Variants in SHB observed in about 807,000 individuals in gnomAD.
SHB encodes the protein SH2 domain-containing adapter protein B.
A neutral mutation model predicts 52.3 loss-of-function variants in SHB; 20 were observed. The observed-to-expected ratio is 0.38, with a 90% CI of 0.27 to 0.56. The LOEUF (loss-of-function observed/expected upper bound fraction) is 0.56, where lower values mean the gene tolerates loss of function less well. Among genes scored for constraint, SHB ranks in the 20% least tolerant of loss-of-function variants. The pLI is 0.71. For missense variants in SHB, 825 were observed against 723.3 expected, an observed-to-expected ratio of 1.14 and a Z score of -1.61; for synonymous variants, 397 against 316.5, an observed-to-expected ratio of 1.25 and a Z score of -2.70.
Position 38,065,764 on chromosome 9 carries a change from G to A in SHB, c.717+2165C>T, listed in dbSNP as rs79422264. Among the ~76,000 whole-genome samples, 1,176 of 152,152 alleles carry A rather than the reference G, an allele frequency of 7.7e-3. 11 individuals carry two copies. The highest frequency in any genetic ancestry group is 0.026 in the African/African-American group (1,079 of 41,494). ...CTCTCGCAGCTAAATCCCTTCACAG[G>A]CCCCCTCTGTGCTTAGCCTACAAGG... On this transcript the variant is annotated intron_variant, in intron 1 of 5. Transcript: ENST00000377707.
chr9:37,956,928 GTTA>G (rs1364224370), intron 3 of SHB, among the ~76,000 whole-genome samples: 1 of 152,216 alleles, frequency 6.6e-6, no homozygotes, highest in African/African-American at 2.4e-5. Flanking sequence ...AGTCTGTGCT[GTTA>G]TTATAAATCA....
Position 38,032,704 on chromosome 9 carries a change from C to T in SHB, c.718-16573G>A, listed in dbSNP as rs566090302. On this transcript the variant is annotated intron_variant, in intron 1 of 5. Transcript: ENST00000377707. ...CCTCCACCCTGTACCAGCCGTATCC[C>T]TCCTGCCTGGGGGATCCTACTTCCC... 9.8e-5 allele frequency among the ~76,000 whole-genome samples: 15 copies of T among 152,328 alleles called. 1 individual carries two copies. The highest frequency in any genetic ancestry group is 3.6e-4 in the African/African-American group (15 of 41,578).
intron 1 of SHB, among the ~76,000 whole-genome samples, 198 bp from the exon 2 acceptor site, chr9:38,016,329 C>T (rs974275438): frequency 6.6e-6 from 1 of 152,194 alleles, no homozygotes; most frequent in Admixed American, 6.5e-5. Context: ...GGCTCCACTG[C>T]GATGAAGAGC....
chr9:38,009,921 T>C (rs1029330896), intron 2 of SHB, among the ~76,000 whole-genome samples: 1 of 152,262 alleles, frequency 6.6e-6, no homozygotes, highest in African/African-American at 2.4e-5. Flanking sequence ...TATTAAAAAT[T>C]ATGTGAAAAT....
chr9:38,054,705 G>T (rs1821792688), intron 1 of SHB, among the ~76,000 whole-genome samples: 1 of 152,206 alleles, frequency 6.6e-6, no homozygotes, highest in Non-Finnish European at 1.5e-5. Context: ...GAGAAGCAAG[G>T]TTAGACTGGT....
intron 2 of SHB, among the ~76,000 whole-genome samples, chr9:37,982,074 T>C (rs1468270971): frequency 6.6e-6 from 1 of 151,682 alleles, no homozygotes; most frequent in Non-Finnish European, 1.5e-5. Context: ...GAAGGAAGGT[T>C]GCCACAAACC....
In SHB at chr9:38,015,934, A is replaced by G. The variant is rs1821204039; in HGVS notation, c.838+77T>C. 8.8e-6 allele frequency: 13 copies of G among 1,479,610 alleles called. No individual in the cohort carries two copies. In the East Asian group the frequency reaches 2.9e-4, roughly 34 times the overall value. 91.7% of individuals were successfully genotyped at this position (1,479,610 alleles called of 1,614,324 possible). On this transcript the variant is annotated intron_variant, in intron 2 of 5. Coordinates refer to ENST00000377707, the MANE Select transcript of SHB (RefSeq NM_003028.3). The stretch of plus-strand genomic sequence containing the variant: ...ATGCCCCCAGTGAGGCTGGTTGGGG[A>G]CCACCCGGCAGTGCCCTCACTCCCT...
intron 2 of SHB, among the ~76,000 whole-genome samples, chr9:38,005,259 T>A (rs1356980336): frequency 6.6e-6 from 1 of 152,154 alleles, no homozygotes; most frequent in Non-Finnish European, 1.5e-5. Flanking sequence ...GGTGGCCAGG[T>A]ACAATTACAC....
chr9:37,939,025 T>A (rs2117862422), intron 5 of SHB, among the ~76,000 whole-genome samples: 1 of 152,228 alleles, frequency 6.6e-6, no homozygotes, highest in East Asian at 1.9e-4. Context: ...TCCTCACTCC[T>A]CCTCCCTCTC....
At chr9:37,937,742 G>C (rs987926309) in intron 5 of SHB, among the ~76,000 whole-genome samples, 1 of 152,228 alleles carries the variant, frequency 6.6e-6, no homozygotes, top group Non-Finnish European at 1.5e-5. Context: ...CTGCCTCAAG[G>C]ACTGACAATG....
intron 1 of SHB, among the ~76,000 whole-genome samples, chr9:38,017,212 T>A (rs574783610): frequency 6.6e-6 from 1 of 152,348 alleles, no homozygotes; most frequent in East Asian, 1.9e-4. Flanking sequence ...TTTGGTCACA[T>A]TTCTGGCAAA....
At chr9:38,023,077 T>C (rs562686383) in intron 1 of SHB, among the ~76,000 whole-genome samples, 40 of 152,218 alleles carry the variant, frequency 2.6e-4, no homozygotes, top group Non-Finnish European at 5.4e-4. Context: ...GCAGAACCCC[T>C]GCCATGGCGG....
At chr9:37,951,632 TCCA>T (rs1249817516) in intron 4 of SHB, among the ~76,000 whole-genome samples, 3 of 152,218 alleles carry the variant, frequency 2.0e-5, no homozygotes, top group Admixed American at 6.5e-5. Context: ...CTGCCTGCCA[TCCA>T]CCCTCCCTGA....
At chr9:38,032,281 A>G (rs1821425749) in intron 1 of SHB, among the ~76,000 whole-genome samples, 1 of 152,184 alleles carries the variant, frequency 6.6e-6, no homozygotes, top group African/African-American at 2.4e-5. Flanking sequence ...CGAAGCTCAG[A>G]AATGTCTAGG....
chr9:37,983,161 G>A (rs1001301585), intron 2 of SHB, among the ~76,000 whole-genome samples: 1 of 152,194 alleles, frequency 6.6e-6, no homozygotes, highest in African/African-American at 2.4e-5. Context: ...TCCTTAATGG[G>A]AGCAGACTTG....
intron 5 of SHB, among the ~76,000 whole-genome samples, chr9:37,946,193 C>T (rs1440266991): frequency 1.3e-5 from 2 of 152,254 alleles, no homozygotes; most frequent in African/African-American, 4.8e-5. Context: ...AGGCACGAGG[C>T]CCGTCCTCTA....
intron 5 of SHB, among the ~76,000 whole-genome samples, chr9:37,931,335 G>A (rs1464271018): frequency 6.6e-6 from 1 of 152,112 alleles, no homozygotes; most frequent in Non-Finnish European, 1.5e-5. Flanking sequence ...TGCAAACCAT[G>A]CATCTGATAA....
At chr9:38,018,656 A>G (rs1489766963) in intron 1 of SHB, among the ~76,000 whole-genome samples, 1 of 152,116 alleles carries the variant, frequency 6.6e-6, no homozygotes, top group East Asian at 1.9e-4. Context: ...AAACTTTGCA[A>G]ACACTACACT....
intron 1 of SHB, among the ~76,000 whole-genome samples, chr9:38,019,931 G>A (rs1821262010): frequency 6.6e-6 from 1 of 152,188 alleles, no homozygotes; most frequent in African/African-American, 2.4e-5. Context: ...GTGTGAGCTG[G>A]CACAGCACTC....
Sources: gnomAD v4.1 joint callset for allele counts (sites outside exome capture counted in the v4.1 genomes callset) on GRCh38, gnomAD v4.1.1 for gene constraint, MANE v1.5 for transcripts, NCBI Gene and HGNC (gene_info 2026-07-23, HGNC 2026-07-21) for gene names.